Variants in DENND2B observed in about 807,000 individuals in gnomAD.
DENND2B encodes DENN domain-containing protein 2B.
A neutral mutation model predicts 116.0 loss-of-function variants in DENND2B; 32 were observed. The ratio of observed to expected loss-of-function variants is 0.28; its 90% CI spans 0.21 to 0.37. DENND2B has a LOEUF of 0.37. DENND2B is among the 10% of genes least tolerant of loss of function. The pLI, the probability that DENND2B is intolerant of heterozygous loss-of-function variation, is 1.00. For missense variants in DENND2B, 1,276 were observed against 1,477.7 expected, an observed-to-expected ratio of 0.86 and a Z score of 2.24; for synonymous variants, 588 against 583.9, an observed-to-expected ratio of 1.01 and a Z score of -0.10.
At chr11:8,823,719 G>C (rs36094920) in intron 4 of DENND2B, among the ~76,000 whole-genome samples, 33,250 of 152,140 alleles carry the variant, frequency 0.22, 4,087 homozygotes, top group Middle Eastern at 0.39. Flanking sequence ...ATGTGGAACT[G>C]TGAGTCAATT....
intron 3 of DENND2B, among the ~76,000 whole-genome samples, chr11:8,855,286 G>A (rs2063155510): frequency 6.6e-6 from 1 of 151,878 alleles, no homozygotes; most frequent in Non-Finnish European, 1.5e-5. Flanking sequence ...TGCCAAGCAA[G>A]GAGGGGAAGA....
At chr11:8,824,776 C>A (rs572151098) in intron 4 of DENND2B, among the ~76,000 whole-genome samples, 33 of 151,826 alleles carry the variant, frequency 2.2e-4, no homozygotes, top group Non-Finnish European at 3.7e-4. Flanking sequence ...GCAGCCACCA[C>A]CTCTCAGATT....
At chr11:8,828,030 G>A (rs1036170993) in intron 4 of DENND2B, among the ~76,000 whole-genome samples, 5 of 152,164 alleles carry the variant, frequency 3.3e-5, no homozygotes, top group East Asian at 1.9e-4. Flanking sequence ...AAAAATGTGA[G>A]ACATGGACCC....
chr11:8,813,519 G>A (rs996115371), upstream of DENND2B, among the ~76,000 whole-genome samples: 2 of 152,080 alleles, frequency 1.3e-5, no homozygotes, highest in African/African-American at 4.8e-5. Flanking sequence ...CATTCCACTT[G>A]CCCAGTCTCC....
chr11:8,774,883 A>T lies in DENND2B; in HGVS notation c.-25-24158T>A, dbSNP rs1269266625. Among the ~76,000 whole-genome samples, 1,097 of 140,644 alleles carry T rather than the reference A, an allele frequency of 7.8e-3. 24 individuals carry two copies. Among genetic ancestry groups the T allele is most frequent in the African/African-American group, 0.029 (1,036 of 35,308 alleles). 92.3% of individuals were successfully genotyped at this position (140,644 alleles called of 152,430 possible). A position where few individuals can be genotyped will look rare whatever the true frequency, so the allele number is the denominator to read the frequency against. ...TTTTCGTTTTTTTTTTTTAATTATT[A>T]TTTTCACTTTTTTTTGAGACAGAGT... On this transcript the variant is annotated intron_variant, in intron 1 of 19. Coordinates refer to ENST00000313726, the MANE Select transcript of DENND2B (RefSeq NM_213618.2).
chr11:8,719,195 G>C (rs1034954897), intron 4 of DENND2B: 1 of 985,530 alleles, frequency 1.0e-6, no homozygotes, highest in Non-Finnish European at 1.2e-6. Flanking sequence ...AGCTTTCCTA[G>C]AGAGGACACG....
chr11:8,751,732 CAAAAT>C (rs2134053909), intron 1 of DENND2B, among the ~76,000 whole-genome samples: 1 of 152,204 alleles, frequency 6.6e-6, no homozygotes, highest in Admixed American at 6.5e-5. Flanking sequence ...TCACAGAAAA[CAAAAT>C]AAACAAAGAA....
chr11:8,769,897 A>C (rs1005587983), intron 1 of DENND2B, among the ~76,000 whole-genome samples: 1 of 152,192 alleles, frequency 6.6e-6, no homozygotes, highest in African/African-American at 2.4e-5. Context: ...GTGGGAGGCC[A>C]AGGCAGGCAG....
rs763687025 is a variant in DENND2B, at chr11:8,699,404, A to ATC, written c.2721-15_2721-14insGA. The stretch of plus-strand genomic sequence containing the variant: ...CTGGAGAGGGTACTGATGGGCAGAC[A>ATC]GAGAGACAGAGTACCTGAGCCCAGG... On this transcript the variant is annotated splice_polypyrimidine_tract_variant and intron_variant, in intron 14 of 19. Transcript: ENST00000313726. The ATC allele has an allele frequency of 5.7e-6, 9 of 1,582,568 alleles. No homozygotes were observed. The East Asian group carries it at 2.0e-4, about 36-fold the overall frequency.
intron 3 of DENND2B, among the ~76,000 whole-genome samples, chr11:8,850,491 G>A (rs756589609): frequency 1.3e-5 from 2 of 151,624 alleles, no homozygotes; most frequent in African/African-American, 2.4e-5. Context: ...AAACTACACC[G>A]AGATAACACC....
chr11:8,839,916 A>T (rs1303308576), intron 3 of DENND2B, among the ~76,000 whole-genome samples: 1 of 152,162 alleles, frequency 6.6e-6, no homozygotes, highest in East Asian at 1.9e-4. Context: ...TTCAGGAGAC[A>T]GATGAATTGC....
chr11:8,789,183 G>A (rs923617301), intron 1 of DENND2B, among the ~76,000 whole-genome samples: 1 of 152,198 alleles, frequency 6.6e-6, no homozygotes, highest in Admixed American at 6.5e-5. Flanking sequence ...AAAAAAGGAA[G>A]AGTACTGGAC....
At chr11:8,761,948 G>T (rs944067714) in intron 1 of DENND2B, among the ~76,000 whole-genome samples, 1 of 152,084 alleles carries the variant, frequency 6.6e-6, no homozygotes, top group African/African-American at 2.4e-5. Flanking sequence ...AGTGCTACTG[G>T]AAGTCTCCGG....
rs1371080842 is a variant in DENND2B, at chr11:8,702,354, T to C, written c.2720+218A>G. Among the ~76,000 whole-genome samples, 1 of 152,098 alleles carries C rather than the reference T, an allele frequency of 6.6e-6. No homozygotes were observed. Among genetic ancestry groups the C allele is most frequent in the African/African-American group, 2.4e-5 (1 of 41,416 alleles). On this transcript the variant is annotated intron_variant, in intron 14 of 19. Transcript: ENST00000313726. The surrounding 1 kb of genome is among the most constrained non-coding windows in gnomAD (Gnocchi z 4.6). ...CTCCCTCTCCCCTCAGGCCAAGCCC[T>C]CCACAGGGTTCTCAATCCTGCCATC... is the stretch of plus-strand genomic sequence containing the variant.
chr11:8,779,485 TTTTCTTTCTTTTC>T (rs2058114843), intron 1 of DENND2B, among the ~76,000 whole-genome samples: 5 of 149,732 alleles, frequency 3.3e-5, no homozygotes, highest in South Asian at 2.1e-4. Flanking sequence ...GGGGTTTCCT[TTTTCTTTCTTTTC>T]TTTCTTTCTT....
chr11:8,847,940 A>G (rs2062869193), intron 3 of DENND2B, among the ~76,000 whole-genome samples: 2 of 152,232 alleles, frequency 1.3e-5, no homozygotes. Context: ...TCAAATCTAT[A>G]AAGTTTAATA....
At position 8,696,248 on chromosome 11, in the gene DENND2B, T is replaced by C. The variant is rs148622300; in HGVS notation, c.3292+179A>G. Among the ~76,000 whole-genome samples the C allele has an allele frequency of 5.6e-3, 850 of 152,326 alleles. 4 individuals are homozygous for C. Among genetic ancestry groups the C allele is most frequent in the South Asian group, 0.013 (63 of 4,828 alleles). On this transcript the variant is annotated intron_variant, in intron 18 of 19. Transcript: ENST00000313726. ...GTGGCTTAGCTTGTGCATAGCCTTG[T>C]GAAGGCATTTACTGGGGCCGGAGGA...
chr11:8,750,437 T>C (rs1049448396), intron 2 of DENND2B, among the ~76,000 whole-genome samples, 184 bp downstream of exon 2: 16 of 152,256 alleles, frequency 1.1e-4, no homozygotes, highest in Non-Finnish European at 1.6e-4. Flanking sequence ...GGTTACTGTT[T>C]GCTATATCAC....
At chr11:8,824,203 CTTTTTT>C (rs140701230) in intron 4 of DENND2B, among the ~76,000 whole-genome samples, 1 of 147,230 alleles carries the variant, frequency 6.8e-6, no homozygotes, top group African/African-American at 2.5e-5. Flanking sequence ...TGCCTGGCCT[CTTTTTT>C]TTTTTTTAAG....
Sources: allele counts gnomAD v4.1 joint callset (sites outside exome capture counted in the v4.1 genomes callset), GRCh38; gene constraint gnomAD v4.1.1; non-coding constraint Gnocchi (gnomAD v3.1); transcripts MANE v1.5; gene names NCBI Gene and HGNC (gene_info 2026-07-23, HGNC 2026-07-21).